The following TRIO variants were observed in gnomAD, a reference collection of about 807,000 sequenced individuals.
TRIO encodes triple functional domain protein.
Under a neutral mutation model 351.9 loss-of-function variants are expected in TRIO, and 58 were observed. The observed-to-expected ratio is 0.16, with a 90% CI of 0.13 to 0.21. The LOEUF (loss-of-function observed/expected upper bound fraction) is 0.21, where lower values mean the gene tolerates loss of function less well. Ranked by LOEUF, TRIO falls within the 10% of genes least tolerant of loss-of-function variation. The pLI is 1.00. For synonymous variants in TRIO, 1,758 were observed against 1,595.7 expected (o/e 1.10, Z -2.42); for missense variants, 3,201 against 4,027.8 (o/e 0.79, Z 5.56).
chr5:14,185,571 A>G (rs1265487527), intron 1 of TRIO, among the ~76,000 whole-genome samples: 2 of 152,182 alleles, frequency 1.3e-5, no homozygotes, highest in Non-Finnish European at 2.9e-5. Flanking sequence ...CTGGCTGAAG[A>G]GCAGGGAGAA....
rs753125237 is a variant in TRIO at position 14,419,935 on chromosome 5, C to T, written c.5117C>T (p.Ala1706Val). The T allele has an allele frequency of 3.5e-5, 57 of 1,614,100 alleles. No homozygotes were observed. The South Asian group carries it at 4.0e-4, about 11-fold the overall frequency. Reference sequence around the variant, plus strand: ...GTGCGGACAACTGACCGCTCCCCAGCGGCAGAAGGCCTGGTCCCCTGTGGT... The same window carrying T: ...GTGCGGACAACTGACCGCTCCCCAGTGGCAGAAGGCCTGGTCCCCTGTGGT... ...CLVRTTDRSP[A>V]AEGLVPCGSL... The change falls in exon 34 of 57, where the codon GCG becomes GTG. Residue 1706 changes from alanine (A) to valine (V), a missense_variant. Physicochemically the swap from Ala to Val is moderately conservative, Grantham distance 64. Around this residue, in one of 19 missense-constraint regions of TRIO, gnomAD observed 193 missense variants for 218.8 expected, o/e 0.88. Transcript: ENST00000344204.
chr5:14,165,975 C>T (rs1411692021), intron 1 of TRIO, among the ~76,000 whole-genome samples: 1 of 152,228 alleles, frequency 6.6e-6, no homozygotes, highest in African/African-American at 2.4e-5. Flanking sequence ...TGTTTTAGCT[C>T]CTCTTTTTCT....
chr5:14,189,366 A>G (rs1790323309), intron 1 of TRIO, among the ~76,000 whole-genome samples: 1 of 152,232 alleles, frequency 6.6e-6, no homozygotes, highest in Non-Finnish European at 1.5e-5. Flanking sequence ...TGAAATCACT[A>G]GCCTAAATAC....
chr5:14,493,448 T>A (rs1756641260), intron 49 of TRIO, among the ~76,000 whole-genome samples: 1 of 152,246 alleles, frequency 6.6e-6, no homozygotes, highest in Non-Finnish European at 1.5e-5. Flanking sequence ...ATTGTATTTG[T>A]TACGGTGATA....
At chr5:14,498,842 T>A in intron 53 of TRIO, 1 of 682,746 alleles carries the variant, frequency 1.5e-6, no homozygotes, top group Non-Finnish European at 2.2e-6. Flanking sequence ...CGGCACCTTA[T>A]GTAAAGTCGG....
At chr5:14,352,919 GAAAA>G (rs1743270336) in intron 11 of TRIO, among the ~76,000 whole-genome samples, 1 of 151,776 alleles carries the variant, frequency 6.6e-6, no homozygotes, top group South Asian at 2.1e-4. Flanking sequence ...AGGTGGAAGG[GAAAA>G]CGTTTGACCC....
chr5:14,158,559 C>T (rs960762762), intron 1 of TRIO, among the ~76,000 whole-genome samples: 4 of 152,178 alleles, frequency 2.6e-5, no homozygotes, highest in Admixed American at 6.5e-5. Flanking sequence ...AGGCTGGAAA[C>T]GGTGATTTCT....
chr5:14,487,547 GGCA>G lies in TRIO; in HGVS notation c.6922_6924del (p.Ser2308del), dbSNP rs899466808. The G allele has an allele frequency of 6.5e-5, 70 of 1,069,736 alleles. No homozygotes were observed. The Middle Eastern group carries it at 1.3e-3, about 19-fold the overall frequency. The allele number at this position is 1,069,736 out of a possible 1,614,324, so 66.3% of individuals were successfully genotyped here. A position where few individuals can be genotyped will look rare whatever the true frequency, so the allele number is the denominator to read the frequency against. On this transcript the variant is annotated inframe_deletion, in exon 48 of 57. Coordinates refer to ENST00000344204, the MANE Select transcript of TRIO (RefSeq NM_007118.4). ...CAGCGGGGGCAGCGGCGGGGGTGGG[GGCA>G]GCGGCGGCGGCGGGGCCCCCAGTGG...
At chr5:14,181,555 C>T (rs752153527) in intron 1 of TRIO, among the ~76,000 whole-genome samples, 31 of 151,932 alleles carry the variant, frequency 2.0e-4, no homozygotes, top group Non-Finnish European at 4.1e-4. Flanking sequence ...GGATGTGGAG[C>T]GTTTCTGGGG....
chr5:14,293,274 G>T, intron 6 of TRIO, 140 bp downstream of exon 6: 1 of 1,200,202 alleles, frequency 8.3e-7, no homozygotes, highest in Non-Finnish European at 1.2e-6. Flanking sequence ...CACATGGAGG[G>T]TGTTCCCTAG....
chr5:14,390,181 A>C (rs1287483619), intron 25 of TRIO, 50 bp from the exon 26 acceptor site: 3 of 1,570,870 alleles, frequency 1.9e-6, no homozygotes, highest in Non-Finnish European at 2.6e-6. Flanking sequence ...CTCACTAGTA[A>C]AATGTTTTAA....
rs547869941 is a variant in TRIO, at chr5:14,480,840, C to T, written c.6337-394C>T. On this transcript the variant is annotated intron_variant, in intron 43 of 56. Transcript: ENST00000344204. ...GTGTGGTGGTACACACCTGTAGACC[C>T]GGCTACTTGGGAGGCTGAGGCAGGA... 1.4e-4 allele frequency among the ~76,000 whole-genome samples: 21 copies of T among 152,214 alleles called. 1 individual carries two copies. The South Asian group carries it at 2.9e-3, about 21-fold the overall frequency.
intron 1 of TRIO, among the ~76,000 whole-genome samples, chr5:14,186,568 G>A (rs1390034725): frequency 1.3e-5 from 2 of 151,996 alleles, no homozygotes; most frequent in East Asian, 3.9e-4. Context: ...GCACATTAGT[G>A]ACCAATTTCC....
chr5:14,341,642 T>C (rs1419301354), intron 11 of TRIO, among the ~76,000 whole-genome samples: 1 of 152,266 alleles, frequency 6.6e-6, no homozygotes, highest in Non-Finnish European at 1.5e-5. Flanking sequence ...CATTCATTCA[T>C]ATTCATTCAA....
chr5:14,336,764 G>C (rs1298735997), intron 11 of TRIO, 37 bp downstream of exon 11: 5 of 1,608,934 alleles, frequency 3.1e-6, no homozygotes, highest in Non-Finnish European at 4.3e-6. Context: ...ATCTGTGCTT[G>C]AAAGGGTCTT....
chr5:14,434,967 G>C, intron 34 of TRIO, among the ~76,000 whole-genome samples: 1 of 152,204 alleles, frequency 6.6e-6, no homozygotes, highest in African/African-American at 2.4e-5. Flanking sequence ...TTTAGCTCAT[G>C]CATGTTGGGC....
chr5:14,384,934 A>G (rs1321661753), intron 21 of TRIO, among the ~76,000 whole-genome samples: 1 of 152,244 alleles, frequency 6.6e-6, no homozygotes, highest in African/African-American at 2.4e-5. Context: ...AAAAAAGACC[A>G]AGAAAATGGA....
chr5:14,480,022 G>A lies in TRIO; in HGVS notation c.6336+11G>A. The A allele has an allele frequency of 6.2e-7, 1 of 1,613,576 alleles. No individual in the cohort carries two copies. On this transcript the variant is annotated intron_variant, in intron 43 of 56. Coordinates refer to ENST00000344204, the MANE Select transcript of TRIO (RefSeq NM_007118.4). ...CAGCTGTTACTGAAGGTGAGGAGGT[G>A]GCGGGACAAACTCTGGTGTCAGGAG... is the stretch of plus-strand genomic sequence containing the variant.
intron 1 of TRIO, among the ~76,000 whole-genome samples, chr5:14,217,031 G>C (rs1328459706): frequency 6.6e-6 from 1 of 152,202 alleles, no homozygotes; most frequent in African/African-American, 2.4e-5. Flanking sequence ...GCAGGGCCAA[G>C]TGGTCTGGTA....
Sources: allele counts gnomAD v4.1 joint callset (sites outside exome capture counted in the v4.1 genomes callset), GRCh38; gene constraint gnomAD v4.1.1; regional missense constraint gnomAD v4.1.1; transcripts MANE v1.5; gene names NCBI Gene and HGNC (gene_info 2026-07-23, HGNC 2026-07-21).